NCOA2: variants seen among roughly 807,000 people sequenced by gnomAD.
NCOA2 encodes nuclear receptor coactivator 2.
Under a neutral mutation model 145.1 loss-of-function variants are expected in NCOA2, and 21 were observed. That is an observed-to-expected ratio of 0.14 (90% CI 0.10 to 0.21). NCOA2 has a LOEUF of 0.21. NCOA2 is among the 10% of genes least tolerant of loss of function. The pLI is 1.00. For synonymous variants in NCOA2, 619 were observed against 637.5 expected (o/e 0.97, Z 0.44); for missense variants, 1,472 against 1,837.6 (o/e 0.80, Z 3.64).
intron 2 of NCOA2, among the ~76,000 whole-genome samples, chr8:70,290,184 AT>A (rs918257984): frequency 0.19 from 23,072 of 122,226 alleles, 2,260 homozygotes; most frequent in African/African-American, 0.33. Flanking sequence ...ATTTCCATTG[AT>A]TTTTTTTTTT....
At chr8:70,210,730 C>T (rs1341929501) in intron 4 of NCOA2, among the ~76,000 whole-genome samples, 1 of 151,932 alleles carries the variant, frequency 6.6e-6, no homozygotes, top group Non-Finnish European at 1.5e-5. Flanking sequence ...GCCTGGCTGA[C>T]ACGTCATAGC....
In NCOA2 at chr8:70,369,336, T is replaced by C. The variant is rs1445820004; in HGVS notation, c.-77+34364A>G. 5.3e-5 allele frequency among the ~76,000 whole-genome samples: 8 copies of C among 152,232 alleles called. No homozygotes were observed. In the East Asian group the frequency reaches 1.5e-3, roughly 29 times the overall value. ...AAAATTGAGAGACACCAATGTAAAG[T>C]GAATAAATATCCCTGATTAATCTGG... On this transcript the variant is annotated intron_variant, in intron 1 of 22. Coordinates refer to ENST00000452400, the MANE Select transcript of NCOA2 (RefSeq NM_006540.4).
intron 2 of NCOA2, among the ~76,000 whole-genome samples, chr8:70,225,405 C>T (rs1164075653): frequency 6.6e-6 from 1 of 151,874 alleles, no homozygotes; most frequent in Non-Finnish European, 1.5e-5. Context: ...AAAAATTAGC[C>T]GGGTGTGTTG....
At chr8:70,193,583 G>A (rs912127804) in intron 4 of NCOA2, among the ~76,000 whole-genome samples, 1 of 152,066 alleles carries the variant, frequency 6.6e-6, no homozygotes, top group African/African-American at 2.4e-5. Context: ...TGACATAAAG[G>A]ATCTACAAAT....
At chr8:70,384,111 C>G (rs1004820169) in intron 1 of NCOA2, among the ~76,000 whole-genome samples, 1 of 152,116 alleles carries the variant, frequency 6.6e-6, no homozygotes, top group African/African-American at 2.4e-5. Context: ...CAACTTATCC[C>G]TATGGAAAAG....
intron 1 of NCOA2, among the ~76,000 whole-genome samples, chr8:70,397,626 C>T (rs568313785): frequency 2.7e-4 from 41 of 152,272 alleles, no homozygotes; most frequent in African/African-American, 6.7e-4. Context: ...ACACAGGCAA[C>T]GCCTATCACC....
chr8:70,417,121 C>G, the NCOA2 span, among the ~76,000 whole-genome samples: 1 of 151,608 alleles, frequency 6.6e-6, no homozygotes, highest in Non-Finnish European at 1.5e-5. Context: ...AAACTACCTT[C>G]TTGGTGCTGG....
chr8:70,352,416 C>T (rs1254544234), intron 1 of NCOA2, among the ~76,000 whole-genome samples: 4 of 152,184 alleles, frequency 2.6e-5, no homozygotes, highest in Non-Finnish European at 5.9e-5. Context: ...TAAGTCCCCA[C>T]AGACCCAAGA....
At chr8:70,391,386 T>A (rs1326690607) in intron 1 of NCOA2, among the ~76,000 whole-genome samples, 2 of 152,226 alleles carry the variant, frequency 1.3e-5, no homozygotes, top group Admixed American at 1.3e-4. Flanking sequence ...TCTCAAGTTG[T>A]TAGACGGTAA....
Position 70,159,222 on chromosome 8 carries a change from T to TTTTATATA in NCOA2, c.1124+282_1124+283insTATATAAA, listed in dbSNP as rs1554578437. ...ATAATACAAATAATACAGTATAACA[T>TTTTATATA]TATATATATATATATATATATTTTT... On this transcript the variant is annotated intron_variant, in intron 10 of 22. Transcript: ENST00000452400. Among the ~76,000 whole-genome samples the TTTTATATA allele has an allele frequency of 9.9e-4, 44 of 44,488 alleles. 2 individuals are homozygous for TTTTATATA. The highest frequency in any genetic ancestry group is 1.6e-3 in the East Asian group (5 of 3,166). 29.2% of individuals were successfully genotyped at this position (44,488 alleles called of 152,430 possible).
At chr8:70,249,174 G>C (rs1354949944) in intron 2 of NCOA2, among the ~76,000 whole-genome samples, 2 of 152,098 alleles carry the variant, frequency 1.3e-5, no homozygotes, top group African/African-American at 2.4e-5. Context: ...TAGTGTACCC[G>C]ATGGGGCAGG....
intron 2 of NCOA2, among the ~76,000 whole-genome samples, chr8:70,256,632 A>G (rs1184812982): frequency 6.6e-6 from 1 of 152,226 alleles, no homozygotes; most frequent in Non-Finnish European, 1.5e-5. Flanking sequence ...AGTGCTTACC[A>G]TATGCCAAAT....
chr8:70,430,426 A>G, the NCOA2 span, among the ~76,000 whole-genome samples: 1 of 152,206 alleles, frequency 6.6e-6, no homozygotes, highest in African/African-American at 2.4e-5. Context: ...TAATTGGCAC[A>G]CAATAAACAG....
At position 70,273,638 on chromosome 8, in the gene NCOA2, G is replaced by A. The variant is rs375537198; in HGVS notation, c.-20+23106C>T. The stretch of plus-strand genomic sequence containing the variant: ...CACTTTCACCATTACAGGCTATACT[G>A]AGACAAAGCAGCTGACAGAAATGCT... On this transcript the variant is annotated intron_variant, in intron 2 of 22. Coordinates refer to ENST00000452400, the MANE Select transcript of NCOA2 (RefSeq NM_006540.4). 10 of 729,962 alleles carry A rather than the reference G, an allele frequency of 1.4e-5. No homozygotes were observed. In the East Asian group the frequency reaches 2.4e-4, roughly 17 times the overall value. The allele number at this position is 729,962 out of a possible 1,614,324, so 45.2% of individuals were successfully genotyped here. A position where few individuals can be genotyped will look rare whatever the true frequency, so the allele number is the denominator to read the frequency against.
chr8:70,389,506 C>A (rs1812990592), intron 1 of NCOA2, among the ~76,000 whole-genome samples: 1 of 152,044 alleles, frequency 6.6e-6, no homozygotes, highest in South Asian at 2.1e-4. Flanking sequence ...TCTCGAACTC[C>A]CGACCTCAGG....
chr8:70,409,863 G>A, the NCOA2 span, among the ~76,000 whole-genome samples: 29 of 152,136 alleles, frequency 1.9e-4, 1 homozygote, highest in South Asian at 4.8e-3. Flanking sequence ...CTGAGCAAGA[G>A]AGCAAGACCC....
intron 1 of NCOA2, among the ~76,000 whole-genome samples, chr8:70,347,688 G>A (rs1473386518): frequency 6.6e-6 from 1 of 151,996 alleles, no homozygotes; most frequent in Non-Finnish European, 1.5e-5. Flanking sequence ...CAGAACAAGT[G>A]TAGAGGTAGA....
the NCOA2 span, among the ~76,000 whole-genome samples, chr8:70,456,209 A>T: frequency 2.0e-5 from 3 of 152,166 alleles, no homozygotes; most frequent in South Asian, 6.2e-4. Flanking sequence ...TTTGGGCGAG[A>T]TATGCTGAGG....
At chr8:70,141,479 C>T (rs1810421908) in intron 13 of NCOA2, 80 bp from the exon 14 acceptor site, 11 of 1,254,734 alleles carry the variant, frequency 8.8e-6, no homozygotes, top group African/African-American at 1.5e-5. Flanking sequence ...ATGATCTTAC[C>T]CTACAAAACA....
Sources: allele counts gnomAD v4.1 joint callset (sites outside exome capture counted in the v4.1 genomes callset), GRCh38; gene constraint gnomAD v4.1.1; transcripts MANE v1.5; gene names NCBI Gene and HGNC (gene_info 2026-07-23, HGNC 2026-07-21).